Variants in PTPN12 observed in about 807,000 individuals in gnomAD.
PTPN12 encodes the protein tyrosine-protein phosphatase non-receptor type 12.
PTPN12 carries 29 observed loss-of-function variants against 97.6 expected under a neutral mutation model. The ratio of observed to expected loss-of-function variants is 0.30; its 90% CI spans 0.22 to 0.41. The LOEUF (loss-of-function observed/expected upper bound fraction) is 0.41, where lower values mean the gene tolerates loss of function less well. Ranked by LOEUF, PTPN12 falls within the 10% of genes least tolerant of loss-of-function variation. The pLI is 1.00. For missense variants in PTPN12, 819 were observed against 926.0 expected (o/e 0.88, Z 1.50); for synonymous variants, 327 against 300.4 (o/e 1.09, Z -0.91).
chr7:77,537,465 G>A lies in PTPN12; in HGVS notation c.-82G>A. On this transcript the variant is annotated 5_prime_UTR_variant, in exon 1 of 18. Coordinates refer to ENST00000248594, the MANE Select transcript of PTPN12 (RefSeq NM_002835.4). ...AGGGAGGGACGTGCTGGGGGAACGAGCTGGGGAAGACGGAGCGGGCTCTGT... is the reference window on the plus strand; with the variant it reads ...AGGGAGGGACGTGCTGGGGGAACGAACTGGGGAAGACGGAGCGGGCTCTGT... 3 of 1,463,340 alleles carry A rather than the reference G, an allele frequency of 2.1e-6. No individual in the cohort carries two copies. Among genetic ancestry groups the A allele is most frequent in the Non-Finnish European group, 1.8e-6 (2 of 1,105,180 alleles). The allele number at this position is 1,463,340 out of a possible 1,614,324, so 90.6% of individuals were successfully genotyped here.
At chr7:77,609,742 G>GT (rs1037873410) in intron 9 of PTPN12, among the ~76,000 whole-genome samples, 10 of 152,088 alleles carry the variant, frequency 6.6e-5, no homozygotes, top group African/African-American at 2.4e-4. Flanking sequence ...ATCGCCAGGC[G>GT]TAGTGGCGGG....
chr7:77,592,372 C>T (rs1356516606), intron 6 of PTPN12, 116 bp downstream of exon 6: 1 of 853,242 alleles, frequency 1.2e-6, no homozygotes, highest in African/African-American at 1.8e-5. Flanking sequence ...ACTCACAAAC[C>T]TATGCTTACA....
chr7:77,592,330 G>A (rs1163326542), intron 6 of PTPN12, 74 bp downstream of exon 6: 3 of 1,281,276 alleles, frequency 2.3e-6, no homozygotes, highest in Non-Finnish European at 3.3e-6. Flanking sequence ...AAATTATAAT[G>A]TGGTATGAAC....
chr7:77,537,981 G>GGGGT lies in PTPN12; in HGVS notation c.99+339_99+340insTGGG, dbSNP rs1806743736. 4.1e-6 allele frequency: 4 copies of GGGGT among 973,602 alleles called. No individual in the cohort carries two copies. In the African/African-American group the frequency reaches 7.5e-5, roughly 18 times the overall value. 60.3% of individuals were successfully genotyped at this position (973,602 alleles called of 1,614,324 possible). A position where few individuals can be genotyped will look rare whatever the true frequency, so the allele number is the denominator to read the frequency against. The stretch of plus-strand genomic sequence containing the variant: ...CGTAGGCAAGTGAGGTGCAGGCCGG[G>GGGGT]GGGGGGGGCTCGCGTTTCCACACCT... On this transcript the variant is annotated intron_variant, in intron 1 of 17. Coordinates refer to ENST00000248594, the MANE Select transcript of PTPN12 (RefSeq NM_002835.4).
intron 16 of PTPN12, 42 bp from the exon 17 acceptor site, chr7:77,638,582 A>G (rs377419777): frequency 6.5e-7 from 1 of 1,528,028 alleles, no homozygotes; most frequent in Non-Finnish European, 8.7e-7. Flanking sequence ...ATATGATGCT[A>G]CAAAGGATGG....
chr7:77,625,539 C>T (rs1171926672), intron 12 of PTPN12, among the ~76,000 whole-genome samples: 1 of 107,908 alleles, frequency 9.3e-6, no homozygotes, highest in African/African-American at 3.8e-5. Flanking sequence ...CACTCTCACT[C>T]GCGCTCTCTC....
chr7:77,626,223 G>A (rs901967845), intron 12 of PTPN12, among the ~76,000 whole-genome samples: 1 of 152,198 alleles, frequency 6.6e-6, no homozygotes, highest in Non-Finnish European at 1.5e-5. Flanking sequence ...AGACACTATA[G>A]AAGAAAAGAT....
intron 11 of PTPN12, among the ~76,000 whole-genome samples, chr7:77,611,928 A>G (rs1285389614): frequency 6.6e-6 from 1 of 151,648 alleles, no homozygotes; most frequent in Non-Finnish European, 1.5e-5. Context: ...TTTTCTAACC[A>G]ATTGTCTTGC....
intron 12 of PTPN12, among the ~76,000 whole-genome samples, chr7:77,625,518 T>TCTCTCTCTCTCTCTCTCTCTCTCA (rs1789131150): frequency 1.2e-5 from 1 of 82,008 alleles, no homozygotes; most frequent in Non-Finnish European, 2.4e-5. Context: ...TCTCTCTCTC[T>TCTCTCTCTCTCTCTCTCTCTCTCA]CTCTCACTCT....
At chr7:77,588,854 G>C (rs960897464) in intron 5 of PTPN12, among the ~76,000 whole-genome samples, 1 of 152,026 alleles carries the variant, frequency 6.6e-6, no homozygotes, top group African/African-American at 2.4e-5. Flanking sequence ...TTAATATATG[G>C]TTTGAATTTT....
chr7:77,544,588 A>C (rs1807130841), intron 1 of PTPN12, among the ~76,000 whole-genome samples: 1 of 152,268 alleles, frequency 6.6e-6, no homozygotes, highest in South Asian at 2.1e-4. Context: ...TTAAAGGATG[A>C]AACTGAAAGT....
chr7:77,571,192 T>C lies in PTPN12; in HGVS notation c.208+6T>C. 1 of 1,534,590 alleles carries C rather than the reference T, an allele frequency of 6.5e-7. No homozygotes were observed. Among genetic ancestry groups the C allele is most frequent in the Non-Finnish European group, 8.9e-7 (1 of 1,120,374 alleles). On this transcript the variant is annotated splice_donor_region_variant and intron_variant, in intron 2 of 17. Transcript: ENST00000248594. ...ATACAAGGACATACTGCCATGTAAG[T>C]TGGAAATGCCCTTGATAAAATACAT...
chr7:77,547,165 C>T, intron 1 of PTPN12, among the ~76,000 whole-genome samples: 1 of 152,182 alleles, frequency 6.6e-6, no homozygotes, highest in East Asian at 1.9e-4. Flanking sequence ...GTCATCCATC[C>T]ATGGTCTCTA....
chr7:77,583,561 T>C lies in PTPN12; in HGVS notation c.292T>C (p.Tyr98His). 1 of 1,601,522 alleles carries C rather than the reference T, an allele frequency of 6.2e-7. No homozygotes were observed. Among genetic ancestry groups the C allele is most frequent in the Non-Finnish European group, 8.5e-7 (1 of 1,175,340 alleles). ...TGCTTTTAACCATTTTTAGGGCGTC[T>C]ATGGGCCAAAAGCATATGTAGCAAC... is the stretch of plus-strand genomic sequence containing the variant. ...YINANFIKGV[Y>H]GPKAYVATQG... The change falls in exon 4 of 18, where the codon TAT (tyrosine) becomes CAT (histidine). Residue 98 changes from tyrosine (Y) to histidine (H), a missense_variant. Tyr to His is a moderately conservative substitution (Grantham distance 83). Coordinates refer to ENST00000248594, the MANE Select transcript of PTPN12 (RefSeq NM_002835.4).
intron 2 of PTPN12, among the ~76,000 whole-genome samples, chr7:77,573,938 G>T (rs1584130069): frequency 6.6e-6 from 1 of 152,022 alleles, no homozygotes; most frequent in East Asian, 1.9e-4. Flanking sequence ...TTTTTGTATT[G>T]TTAGTAGAGA....
In PTPN12 at chr7:77,626,737, T is replaced by C; in HGVS notation, c.1058T>C (p.Ile353Thr). The C allele has an allele frequency of 6.2e-7, 1 of 1,606,790 alleles. No homozygotes were observed. The highest frequency in any genetic ancestry group is 1.1e-5 in the South Asian group (1 of 90,196). ...GTTGAAGGGGATGCTAAAGAAGAAA[T>C]ACTGCAGCCACCGGAACCTCATCCA... The part of the protein sequence containing the change: ...CLVEGDAKEE[I>T]LQPPEPHPVP... The change falls in exon 13 of 18, where the codon ATA (isoleucine) becomes ACA (threonine). Residue 353 changes from isoleucine (I) to threonine (T), a missense_variant. Ile to Thr is a moderately conservative substitution (Grantham distance 89). This residue lies in a region of PTPN12 where 607 missense variants were observed against 577.3 expected (regional missense o/e 1.05). Coordinates refer to ENST00000248594, the MANE Select transcript of PTPN12 (RefSeq NM_002835.4).
chr7:77,572,954 G>C (rs1316609494), intron 2 of PTPN12, among the ~76,000 whole-genome samples: 2 of 151,766 alleles, frequency 1.3e-5, no homozygotes, highest in Non-Finnish European at 2.9e-5. Flanking sequence ...GTGGTGGCAC[G>C]TGCCTGTAAT....
chr7:77,633,256 G>A (rs561346570), intron 14 of PTPN12, among the ~76,000 whole-genome samples: 8 of 142,906 alleles, frequency 5.6e-5, no homozygotes, highest in South Asian at 2.3e-4. Flanking sequence ...GGCAACAAGA[G>A]CGAAACTCCA....
At chr7:77,636,885 G>A in intron 15 of PTPN12, 133 bp from the exon 16 acceptor site, 1 of 611,186 alleles carries the variant, frequency 1.6e-6, no homozygotes, top group Non-Finnish European at 2.8e-6. Context: ...AAAAACAATT[G>A]TTTGCTTTTC....
Sources: allele counts gnomAD v4.1 joint callset (sites outside exome capture counted in the v4.1 genomes callset), GRCh38; gene constraint gnomAD v4.1.1; regional missense constraint gnomAD v4.1.1; transcripts MANE v1.5; gene names NCBI Gene and HGNC (gene_info 2026-07-23, HGNC 2026-07-21).